Variants in SEC63 observed in about 807,000 individuals in gnomAD.
SEC63 encodes the protein translocation protein SEC63 homolog.
SEC63 carries 56 observed loss-of-function variants against 116.2 expected under a neutral mutation model. The observed-to-expected ratio is 0.48, with a 90% confidence interval of 0.39 to 0.60. The LOEUF (loss-of-function observed/expected upper bound fraction) is 0.60, where lower values mean the gene tolerates loss of function less well. Among genes scored for constraint, SEC63 ranks in the 20% least tolerant of loss-of-function variants. The pLI, the probability that SEC63 is intolerant of heterozygous loss-of-function variation, is 0.00. For missense variants in SEC63, 668 were observed against 900.0 expected (o/e 0.74, Z 3.30); for synonymous variants, 273 against 294.6 (o/e 0.93, Z 0.75).
At chr6:107,957,024 T>A (rs949991842) in intron 1 of SEC63, among the ~76,000 whole-genome samples, 1 of 152,158 alleles carries the variant, frequency 6.6e-6, no homozygotes, top group African/African-American at 2.4e-5. Context: ...AAGAATACCA[T>A]CTGCCATATG....
rs1787750261 is a variant in SEC63 at position 107,929,468 on chromosome 6, CAT to C, written c.169_170del (p.Met57ValfsTer35). ...KNIRKVYGRC[M>X]WYRLRLLKPQ... The stretch of plus-strand genomic sequence containing the variant: ...GTTTTAATAACCGTAAACGATACCA[CAT>C]ACACCTTCCATATACTTTTCTGATA... On this transcript the variant is annotated frameshift_variant, in exon 2 of 21. Transcript: ENST00000369002. LOFTEE classifies it high-confidence loss of function. 1 of 1,601,160 alleles carries C rather than the reference CAT, an allele frequency of 6.2e-7. No homozygotes were observed. The highest frequency in any genetic ancestry group is 8.6e-7 in the Non-Finnish European group (1 of 1,168,472).
At chr6:107,906,898 T>C (rs1159197938) in intron 8 of SEC63, 121 bp from the exon 9 acceptor site, 3 of 750,480 alleles carry the variant, frequency 4.0e-6, no homozygotes, top group East Asian at 5.2e-5. Context: ...TGCTAAAAAT[T>C]ATCTGAACTC....
intron 1 of SEC63, among the ~76,000 whole-genome samples, chr6:107,953,433 G>T (rs1489956827): frequency 6.6e-6 from 1 of 151,224 alleles, no homozygotes; most frequent in Admixed American, 6.6e-5. Context: ...CGCCCCGTCC[G>T]GGAGGTGAGG....
At chr6:107,886,881 A>G (rs1583728854) in intron 16 of SEC63, among the ~76,000 whole-genome samples, 1 of 122,870 alleles carries the variant, frequency 8.1e-6, no homozygotes. Flanking sequence ...GAAGCTCTTT[A>G]GTTCAATCAG....
In SEC63 at chr6:107,953,729, T is replaced by C. The variant is rs531951635; in HGVS notation, c.124+4157A>G. On this transcript the variant is annotated intron_variant, in intron 1 of 20. Transcript: ENST00000369002. ...CAGCCCCCTGCCCGGCCAGCCGCCCTGTCCGGGAGGGAGGTGGGGGGTTCA... is the reference window on the plus strand; with the variant it reads ...CAGCCCCCTGCCCGGCCAGCCGCCCCGTCCGGGAGGGAGGTGGGGGGTTCA... 2.5e-3 allele frequency among the ~76,000 whole-genome samples: 281 copies of C among 112,806 alleles called. 4 individuals are homozygous for C. Among genetic ancestry groups the C allele is most frequent in the Non-Finnish European group, 3.4e-3 (186 of 55,004 alleles). The allele number at this position is 112,806 out of a possible 152,430, so 74.0% of individuals were successfully genotyped here.
At chr6:107,912,313 G>GC (rs1787299936) in intron 6 of SEC63, among the ~76,000 whole-genome samples, 1 of 152,208 alleles carries the variant, frequency 6.6e-6, no homozygotes, top group Non-Finnish European at 1.5e-5. Context: ...TAGTGCTCAT[G>GC]CTTGTAATCC....
At position 107,903,043 on chromosome 6, in the gene SEC63, A is replaced by G. The variant is rs193123643; in HGVS notation, c.1055-45T>C. 2.5e-6 allele frequency: 4 copies of G among 1,601,404 alleles called. No individual in the cohort carries two copies. In the East Asian group the frequency reaches 8.9e-5, roughly 36 times the overall value. On this transcript the variant is annotated intron_variant, in intron 11 of 20. Coordinates refer to ENST00000369002, the MANE Select transcript of SEC63 (RefSeq NM_007214.5). Reference sequence around the variant, plus strand: ...AAAGAAACAGGGCTGGACTTTTTACATGTTCAGGAGTATACAATTCATCAC... The same window carrying G: ...AAAGAAACAGGGCTGGACTTTTTACGTGTTCAGGAGTATACAATTCATCAC...
intron 1 of SEC63, chr6:107,954,478 AAATCAAAAAAAAAAAAAAAG>A (rs1770665786): frequency 1.3e-5 from 1 of 76,936 alleles, no homozygotes; most frequent in Non-Finnish European, 2.3e-5. Flanking sequence ...AAAAAAAAAA[AAATCAAAAAAAAAAAAAAAG>A]AATTTTTCAG....
Position 107,902,980 on chromosome 6 carries a change from G to A in SEC63, c.1073C>T (p.Pro358Leu), listed in dbSNP as rs61761860. 1 of 1,613,996 alleles carries A rather than the reference G, an allele frequency of 6.2e-7. No individual in the cohort carries two copies. Among genetic ancestry groups the A allele is most frequent in the Non-Finnish European group, 8.5e-7 (1 of 1,179,982 alleles). The change falls in exon 12 of 21, where the codon CCA becomes CTA. Residue 358 changes from proline to leucine, a missense_variant. This residue lies in a region of SEC63 where 430 missense variants were observed against 557.5 expected (regional missense o/e 0.77). Transcript: ENST00000369002. ...GCAGTTTTCTAGGGATGCCAAAGTT[G>A]GAGCACGAAACTCCCTTTCTTAGAA... ...RNREEREFRA[P>L]TLASLENCMK...
chr6:107,881,457 G>A (rs186674499), intron 17 of SEC63, among the ~76,000 whole-genome samples: 33 of 151,914 alleles, frequency 2.2e-4, no homozygotes, highest in Middle Eastern at 3.4e-3. Context: ...CTACATAGCC[G>A]TTCATTATCT....
intron 17 of SEC63, among the ~76,000 whole-genome samples, chr6:107,882,034 T>A (rs1319452846): frequency 1.3e-5 from 2 of 152,180 alleles, no homozygotes; most frequent in Non-Finnish European, 1.5e-5. Flanking sequence ...AGGGATATAA[T>A]GTATTTGACA....
chr6:107,942,618 G>A (rs1021774558), intron 1 of SEC63, among the ~76,000 whole-genome samples: 3 of 152,176 alleles, frequency 2.0e-5, no homozygotes, highest in Non-Finnish European at 4.4e-5. Flanking sequence ...CAACGTTGGG[G>A]TTAGGGGCCC....
intron 1 of SEC63, among the ~76,000 whole-genome samples, chr6:107,932,794 T>C (rs79546177): frequency 5.9e-5 from 9 of 152,284 alleles, no homozygotes; most frequent in Middle Eastern, 3.4e-3. Flanking sequence ...TGAGCACATC[T>C]AGCATGCAGA....
chr6:107,952,829 G>A (rs1339608865), intron 1 of SEC63, among the ~76,000 whole-genome samples: 4 of 152,184 alleles, frequency 2.6e-5, no homozygotes, highest in Non-Finnish European at 5.9e-5. Context: ...ACCTTTTCAT[G>A]CTTTCATGCA....
At chr6:107,955,910 A>G (rs949108988) in intron 1 of SEC63, 32 of 271,192 alleles carry the variant, frequency 1.2e-4, no homozygotes, top group Admixed American at 5.7e-4. Context: ...AAATAAATAA[A>G]TAAATAGTAT....
Position 107,876,670 on chromosome 6 carries a change from C to CAAAAAAAAAAAA in SEC63, c.1936-20_1936-9dup, listed in dbSNP as rs749125299. The CAAAAAAAAAAAA allele has an allele frequency of 8.4e-5, 64 of 760,252 alleles. 2 individuals are homozygous for CAAAAAAAAAAAA. The highest frequency in any genetic ancestry group is 3.1e-4 in the Admixed American group (10 of 31,786). The allele number at this position is 760,252 out of a possible 1,614,324, so 47.1% of individuals were successfully genotyped here. On this transcript the variant is annotated splice_polypyrimidine_tract_variant and intron_variant, in intron 18 of 20. Transcript: ENST00000369002. Reference sequence around the variant, plus strand: ...CCACCATTCTTGTTTTTCCTGGAAACAAAAAAAAAAAAAAAAAAAGAAGAG... The same window carrying CAAAAAAAAAAAA: ...CCACCATTCTTGTTTTTCCTGGAAACAAAAAAAAAAAAAAAAAAAAAAAAAAAAAAAGAAGAG...
At chr6:107,945,310 T>C (rs559965474) in intron 1 of SEC63, among the ~76,000 whole-genome samples, 3 of 151,798 alleles carry the variant, frequency 2.0e-5, no homozygotes, top group East Asian at 3.9e-4. Flanking sequence ...CTTTTCTTTT[T>C]TTTTTTTTTG....
chr6:107,912,821 T>C (rs2114461010), intron 5 of SEC63, 47 bp from the exon 6 acceptor site: 1 of 1,308,094 alleles, frequency 7.6e-7, no homozygotes, highest in East Asian at 2.4e-5. Context: ...TACTTTCAGT[T>C]TTAATAAATA....
rs371269336 is a variant in SEC63, at chr6:107,892,793, C to A, written c.1674+689G>T. Reference sequence around the variant, plus strand: ...ACAAAAACCACATAAAGAGATATCACTACAGATCTGCCAAATAGCTAAAAG... The same window carrying A: ...ACAAAAACCACATAAAGAGATATCAATACAGATCTGCCAAATAGCTAAAAG... On this transcript the variant is annotated intron_variant, in intron 16 of 20. Transcript: ENST00000369002. Among the ~76,000 whole-genome samples the A allele has an allele frequency of 7.2e-5, 11 of 152,122 alleles. No homozygotes were observed. The East Asian group carries it at 7.7e-4, about 11-fold the overall frequency.
Sources: allele counts gnomAD v4.1 joint callset (sites outside exome capture counted in the v4.1 genomes callset), GRCh38; gene constraint gnomAD v4.1.1; regional missense constraint gnomAD v4.1.1; transcripts MANE v1.5; gene names NCBI Gene and HGNC (gene_info 2026-07-23, HGNC 2026-07-21).